RORA: variants seen among roughly 807,000 people sequenced by gnomAD.
The protein encoded by RORA is RAR related orphan receptor A.
In RORA, 7 loss-of-function variants were observed where a neutral mutation model predicts 69.5. That is an observed-to-expected ratio of 0.10 (90% CI 0.06 to 0.19). The LOEUF (loss-of-function observed/expected upper bound fraction) is 0.19, where lower values mean the gene tolerates loss of function less well. RORA is among the 10% of genes least tolerant of loss of function. RORA has a pLI of 1.00. For missense variants in RORA, 457 were observed against 663.0 expected (o/e 0.69, Z 3.41); for synonymous variants, 261 against 240.8 (o/e 1.08, Z -0.78).
intron 1 of RORA, among the ~76,000 whole-genome samples, chr15:61,186,774 T>C (rs1012870904): frequency 3.3e-5 from 5 of 151,760 alleles, no homozygotes; most frequent in African/African-American, 7.2e-5. Context: ...ACTGTGCTGC[T>C]CCTCAAACAT....
At chr15:60,663,928 C>A (rs559309196) in intron 2 of RORA, among the ~76,000 whole-genome samples, 2 of 152,230 alleles carry the variant, frequency 1.3e-5, no homozygotes, top group Admixed American at 1.3e-4. Context: ...TGGGATAGAA[C>A]GAGGAAGAAC....
chr15:60,919,450 A>T (rs1891975448), intron 1 of RORA, among the ~76,000 whole-genome samples: 1 of 152,246 alleles, frequency 6.6e-6, no homozygotes, highest in South Asian at 2.1e-4. Flanking sequence ...CAATTCCTTC[A>T]TGAGGGAGGA....
At chr15:61,110,989 TAGG>T (rs796146984) in intron 1 of RORA, among the ~76,000 whole-genome samples, 38 of 152,136 alleles carry the variant, frequency 2.5e-4, no homozygotes, top group African/African-American at 8.9e-4. Flanking sequence ...GCTCCACACA[TAGG>T]AGACTTCCAC....
At chr15:60,839,017 T>C (rs2140400954) in intron 1 of RORA, among the ~76,000 whole-genome samples, 1 of 152,132 alleles carries the variant, frequency 6.6e-6, no homozygotes, top group South Asian at 2.1e-4. Context: ...GCCTCCTGAA[T>C]AGCTGGGACT....
At chr15:60,992,957 G>T (rs775185982) in intron 1 of RORA, among the ~76,000 whole-genome samples, 15 of 152,032 alleles carry the variant, frequency 9.9e-5, no homozygotes, top group Non-Finnish European at 1.9e-4. Flanking sequence ...AAATTGCAGA[G>T]GTCCCACCAC....
At chr15:60,731,870 G>T (rs911177954) in intron 1 of RORA, among the ~76,000 whole-genome samples, 13 of 152,198 alleles carry the variant, frequency 8.5e-5, no homozygotes, top group Non-Finnish European at 2.9e-5. Flanking sequence ...GCTTAAAGTT[G>T]CTGTCAGCGT....
In RORA at chr15:60,501,021, C is replaced by T. The variant is rs202128922; in HGVS notation, c.1232G>A (p.Cys411Tyr). ...TTCATCTTCAGTCAGGTGCATAGAACATAAACTCTTTCCAAATTCAAACAC... is the reference window on the plus strand; with the variant it reads ...TTCATCTTCAGTCAGGTGCATAGAATATAAACTCTTTCCAAATTCAAACAC... ...SFVFEFGKSL[C>Y]SMHLTEDEIA... The change falls in exon 9 of 11, where the codon TGT becomes TAT. Residue 411 changes from cysteine to tyrosine, a missense_variant. Cys to Tyr is a radical substitution (Grantham distance 194). Coordinates refer to ENST00000335670, the MANE Select transcript of RORA (RefSeq NM_134261.3). 2 of 1,611,294 alleles carry T rather than the reference C, an allele frequency of 1.2e-6. No homozygotes were observed. Among genetic ancestry groups the T allele is most frequent in the Non-Finnish European group, 1.7e-6 (2 of 1,177,724 alleles).
chr15:60,860,047 A>G (rs375526776), intron 1 of RORA, among the ~76,000 whole-genome samples: 1 of 152,144 alleles, frequency 6.6e-6, no homozygotes, highest in East Asian at 1.9e-4. Context: ...GCCTGAGGAC[A>G]CTTCATCGAA....
chr15:60,536,484 T>G (rs1022385493), intron 2 of RORA, among the ~76,000 whole-genome samples: 2 of 152,228 alleles, frequency 1.3e-5, no homozygotes, highest in African/African-American at 4.8e-5. Context: ...TTCACAACAT[T>G]GCTGCTTAAC....
intron 1 of RORA, among the ~76,000 whole-genome samples, chr15:61,174,057 A>C (rs1449532884): frequency 1.3e-5 from 2 of 152,220 alleles, no homozygotes; most frequent in Non-Finnish European, 2.9e-5. Context: ...GGCCATTCAC[A>C]AACATGGTAA....
intron 1 of RORA, among the ~76,000 whole-genome samples, chr15:60,812,915 G>T (rs2072763649): frequency 6.6e-6 from 1 of 152,218 alleles, no homozygotes; most frequent in African/African-American, 2.4e-5. Flanking sequence ...GACACTGCCA[G>T]TTTCTGAACT....
chr15:60,996,152 C>T (rs928548193), intron 1 of RORA, among the ~76,000 whole-genome samples: 1 of 151,516 alleles, frequency 6.6e-6, no homozygotes, highest in Non-Finnish European at 1.5e-5. Context: ...CTCACTGCAA[C>T]CTCTGCCTCC....
intron 1 of RORA, among the ~76,000 whole-genome samples, chr15:60,868,214 T>C (rs1368500226): frequency 6.6e-6 from 1 of 152,208 alleles, no homozygotes; most frequent in African/African-American, 2.4e-5. Flanking sequence ...GAGTCAGAGC[T>C]GGCTGGAGAA....
intron 1 of RORA, among the ~76,000 whole-genome samples, chr15:61,058,523 T>C (rs1009998501): frequency 2.0e-5 from 3 of 152,134 alleles, no homozygotes; most frequent in Non-Finnish European, 2.9e-5. Context: ...AGGTCTGTGA[T>C]AGAAGTAAGC....
At chr15:61,208,241 A>T (rs964591512) in intron 1 of RORA, among the ~76,000 whole-genome samples, 1 of 152,246 alleles carries the variant, frequency 6.6e-6, no homozygotes, top group Non-Finnish European at 1.5e-5. Flanking sequence ...CAAGGTACTG[A>T]TCCATTTTAT....
intron 1 of RORA, among the ~76,000 whole-genome samples, chr15:60,874,856 G>A (rs1595783276): frequency 1.3e-5 from 2 of 152,282 alleles, no homozygotes; most frequent in African/African-American, 2.4e-5. Flanking sequence ...TTTGGGGCAA[G>A]TTATTTAATC....
chr15:60,802,083 T>G (rs2072590293), intron 1 of RORA, among the ~76,000 whole-genome samples: 2 of 152,050 alleles, frequency 1.3e-5, no homozygotes, highest in South Asian at 4.2e-4. Context: ...CAATGCTTGG[T>G]GGGAGTGGGA....
intron 1 of RORA, among the ~76,000 whole-genome samples, chr15:60,882,150 G>A (rs556296353): frequency 6.6e-6 from 1 of 152,226 alleles, no homozygotes; most frequent in South Asian, 2.1e-4. Context: ...GCATGCTGGC[G>A]AACACCCAAA....
intron 1 of RORA, among the ~76,000 whole-genome samples, chr15:61,091,912 A>G (rs2078713660): frequency 6.6e-6 from 1 of 152,248 alleles, no homozygotes; most frequent in Non-Finnish European, 1.5e-5. Flanking sequence ...CTACAATGGC[A>G]TATGTTAAAA....
Sources: allele counts gnomAD v4.1 joint callset (sites outside exome capture counted in the v4.1 genomes callset), GRCh38; gene constraint gnomAD v4.1.1; transcripts MANE v1.5; gene names NCBI Gene and HGNC (gene_info 2026-07-23, HGNC 2026-07-21).